The following SPART variants were observed in gnomAD, a reference collection of about 807,000 sequenced individuals.
The protein encoded by SPART is spastic paraplegia 20 (Troyer syndrome).
In SPART, 35 loss-of-function variants were observed where a neutral mutation model predicts 58.7. That is an observed-to-expected ratio of 0.60 (90% CI 0.46 to 0.79). The LOEUF (loss-of-function observed/expected upper bound fraction) is 0.79, where lower values mean the gene tolerates loss of function less well. Ranked by LOEUF, SPART falls within the 30% of genes least tolerant of loss-of-function variation. The pLI is 0.00. For synonymous variants in SPART, 284 were observed against 280.7 expected, an observed-to-expected ratio of 1.01 and a Z score of -0.12; for missense variants, 730 against 786.1, an observed-to-expected ratio of 0.93 and a Z score of 0.85.
chr13:36,315,246 G>A (rs1162729253), intron 5 of SPART, among the ~76,000 whole-genome samples: 4 of 152,212 alleles, frequency 2.6e-5, no homozygotes, highest in East Asian at 3.9e-4. Context: ...CAGTGGAAAT[G>A]TGGGGAAAGG....
chr13:36,342,965 T>C (rs1001903478), intron 1 of SPART, among the ~76,000 whole-genome samples: 1 of 152,146 alleles, frequency 6.6e-6, no homozygotes, highest in African/African-American at 2.4e-5. Flanking sequence ...ATTCTTACTA[T>C]GGTACACTGC....
intron 5 of SPART, among the ~76,000 whole-genome samples, chr13:36,315,423 C>A (rs1201130769): frequency 6.6e-6 from 1 of 152,202 alleles, no homozygotes; most frequent in Non-Finnish European, 1.5e-5. Flanking sequence ...TAATTATGTT[C>A]TCTCAAGGTC....
At chr13:36,361,554 A>G (rs1241961858) in intron 1 of SPART, among the ~76,000 whole-genome samples, 1 of 151,976 alleles carries the variant, frequency 6.6e-6, no homozygotes, top group African/African-American at 2.4e-5. Context: ...ACAGGTGCCC[A>G]CCACCACGCC....
chr13:36,352,039 TG>T (rs1471706089), intron 1 of SPART, among the ~76,000 whole-genome samples: 3 of 152,256 alleles, frequency 2.0e-5, no homozygotes, highest in African/African-American at 7.2e-5. Flanking sequence ...TTGAAATCAG[TG>T]GGATGACTCG....
chr13:36,318,312 A>C (rs9547250), intron 5 of SPART, among the ~76,000 whole-genome samples: 36,506 of 152,080 alleles, frequency 0.24, 4,851 homozygotes, highest in East Asian at 0.51. Flanking sequence ...GTCAAGGTTA[A>C]TGCTCATTTT....
chr13:36,314,524 AT>A (rs1881483095), intron 5 of SPART, 103 bp from the exon 6 acceptor site: 1 of 1,134,096 alleles, frequency 8.8e-7, no homozygotes, highest in African/African-American at 1.6e-5. Context: ...GGAGTTTGAT[AT>A]TCAGATGCTA....
Position 36,304,245 on chromosome 13 carries a change from T to C in SPART, c.*120A>G, listed in dbSNP as rs1705618233. 1 of 1,199,278 alleles carries C rather than the reference T, an allele frequency of 8.3e-7. No individual in the cohort carries two copies. The highest frequency in any genetic ancestry group is 1.2e-6 in the Non-Finnish European group (1 of 827,036). 74.3% of individuals were successfully genotyped at this position (1,199,278 alleles called of 1,614,324 possible). ...TGCCATAAAATTTATGAAAGTTAAT[T>C]TGTAGGAATGAATACATTTAAAAAA... is the stretch of plus-strand genomic sequence containing the variant. On this transcript the variant is annotated 3_prime_UTR_variant, in exon 9 of 9. Coordinates refer to ENST00000438666, the MANE Select transcript of SPART (RefSeq NM_015087.5).
chr13:36,316,692 G>A lies in SPART; in HGVS notation c.1289-2271C>T, dbSNP rs566269291. Among the ~76,000 whole-genome samples, 5 of 152,228 alleles carry A rather than the reference G, an allele frequency of 3.3e-5. No homozygotes were observed. The South Asian group carries it at 1.0e-3, about 32-fold the overall frequency. On this transcript the variant is annotated intron_variant, in intron 5 of 8. Coordinates refer to ENST00000438666, the MANE Select transcript of SPART (RefSeq NM_015087.5). Reference sequence around the variant, plus strand: ...TGCTGACTCTTTTCAGACTCAGCCTGCCTGCACCCAGGTGAAATAAACAGC... The same window carrying A: ...TGCTGACTCTTTTCAGACTCAGCCTACCTGCACCCAGGTGAAATAAACAGC...
intron 1 of SPART, among the ~76,000 whole-genome samples, chr13:36,369,125 A>T (rs1322790966): frequency 6.6e-6 from 1 of 152,194 alleles, no homozygotes; most frequent in Non-Finnish European, 1.5e-5. Context: ...CTTTCTTCCA[A>T]GTGTCATCAT....
chr13:36,351,832 A>AT (rs1313005740), intron 1 of SPART, among the ~76,000 whole-genome samples: 1 of 152,094 alleles, frequency 6.6e-6, no homozygotes, highest in Non-Finnish European at 1.5e-5. Context: ...AAAATATAGT[A>AT]TTTTTTCTTT....
At chr13:36,342,879 T>C (rs912018467) in intron 1 of SPART, among the ~76,000 whole-genome samples, 1 of 152,234 alleles carries the variant, frequency 6.6e-6, no homozygotes, top group African/African-American at 2.4e-5. Flanking sequence ...CCAGTTATCA[T>C]GCTGATTTTT....
intron 1 of SPART, among the ~76,000 whole-genome samples, chr13:36,344,800 G>C (rs539718566): frequency 6.6e-6 from 1 of 152,242 alleles, no homozygotes; most frequent in Admixed American, 6.5e-5. Context: ...CAAAGTCTTT[G>C]AAATGACAAT....
chr13:36,349,376 G>A (rs959248448), upstream of SPART, among the ~76,000 whole-genome samples: 6 of 152,210 alleles, frequency 3.9e-5, no homozygotes, highest in African/African-American at 1.4e-4. Flanking sequence ...AGCCATAGTA[G>A]TCTAGTGCTG....
intron 5 of SPART, among the ~76,000 whole-genome samples, chr13:36,323,085 C>T (rs1432876368): frequency 6.6e-6 from 1 of 152,016 alleles, no homozygotes; most frequent in African/African-American, 2.4e-5. Context: ...CCGTTCTGCT[C>T]ACTCTCAACC....
At position 36,329,401 on chromosome 13, in the gene SPART, G is replaced by A; in HGVS notation, c.1125C>T (p.Gly375=). 6.2e-7 allele frequency: 1 copy of A among 1,613,970 alleles called. No homozygotes were observed. The highest frequency in any genetic ancestry group is 8.5e-7 in the Non-Finnish European group (1 of 1,179,994). ...SGTDVKQLDQ[G]NKDVRHKGKR... ...TTCCTTTATGACGTACATCCTTATT[G>A]CCTTGGTCCAACTGTTTCACATCAG... is the stretch of plus-strand genomic sequence containing the variant. The change falls in exon 4 of 9, where the codon GGC becomes GGT. Residue 375 remains glycine (G), a synonymous_variant. Transcript: ENST00000438666.
At chr13:36,358,278 T>A (rs991606214) in intron 1 of SPART, among the ~76,000 whole-genome samples, 6 of 152,226 alleles carry the variant, frequency 3.9e-5, no homozygotes, top group African/African-American at 1.4e-4. Context: ...TTAGTCTTTT[T>A]TGCATGTTTG....
intron 8 of SPART, among the ~76,000 whole-genome samples, chr13:36,309,570 C>T (rs1466173698): frequency 1.3e-5 from 2 of 152,080 alleles, no homozygotes; most frequent in East Asian, 3.9e-4. Context: ...AAAATGAAAT[C>T]ATATCCTTTG....
At chr13:36,331,133 G>A (rs1883421552) in intron 3 of SPART, among the ~76,000 whole-genome samples, 2 of 152,154 alleles carry the variant, frequency 1.3e-5, no homozygotes, top group Non-Finnish European at 2.9e-5. Flanking sequence ...GTAAATTAAA[G>A]TATAGAGAAG....
At chr13:36,359,933 A>AC (rs1011627670) in intron 1 of SPART, among the ~76,000 whole-genome samples, 4 of 151,118 alleles carry the variant, frequency 2.6e-5, no homozygotes, top group Non-Finnish European at 5.9e-5. Context: ...TAAAAAAAAA[A>AC]AAAAAAAAAC....
Sources: gnomAD v4.1 joint callset for allele counts (sites outside exome capture counted in the v4.1 genomes callset) on GRCh38, gnomAD v4.1.1 for gene constraint, MANE v1.5 for transcripts, NCBI Gene and HGNC (gene_info 2026-07-23, HGNC 2026-07-21) for gene names.